NRG3: variants seen among roughly 807,000 people sequenced by gnomAD.
The protein encoded by NRG3 is pro-neuregulin-3, membrane-bound isoform.
NRG3 carries 31 observed loss-of-function variants against 66.9 expected under a neutral mutation model. That is an observed-to-expected ratio of 0.46 (90% confidence interval 0.35 to 0.63). The LOEUF is 0.63. NRG3 is among the 20% of genes least tolerant of loss of function. NRG3 has a pLI of 0.00. For synonymous variants in NRG3, 393 were observed against 359.4 expected (o/e 1.09, Z -1.06); for missense variants, 910 against 878.9 (o/e 1.04, Z -0.45).
At chr10:82,027,411 G>GT (rs1302458842) in intron 1 of NRG3, among the ~76,000 whole-genome samples, 4 of 151,930 alleles carry the variant, frequency 2.6e-5, no homozygotes, top group Non-Finnish European at 5.9e-5. Context: ...GTTATTCTGA[G>GT]TTTTTTTCTT....
chr10:82,769,168 T>C (rs547633845), intron 3 of NRG3, among the ~76,000 whole-genome samples: 116 of 152,254 alleles, frequency 7.6e-4, no homozygotes, highest in African/African-American at 2.7e-3. Flanking sequence ...CCAACCTATA[T>C]GTTTTTGCCA....
At chr10:82,373,306 G>A (rs1488640463) in intron 2 of NRG3, among the ~76,000 whole-genome samples, 6 of 152,308 alleles carry the variant, frequency 3.9e-5, no homozygotes, top group Non-Finnish European at 5.9e-5. Context: ...TATAGCTAAC[G>A]TCAGAGAAAG....
At chr10:82,274,699 A>G (rs1217211627) in intron 1 of NRG3, among the ~76,000 whole-genome samples, 1 of 151,994 alleles carries the variant, frequency 6.6e-6, no homozygotes, top group Non-Finnish European at 1.5e-5. Flanking sequence ...CAAACTGGTA[A>G]TTAGTAAAAA....
intron 1 of NRG3, among the ~76,000 whole-genome samples, chr10:81,982,751 A>G (rs919945859): frequency 3.3e-5 from 5 of 152,058 alleles, no homozygotes; most frequent in African/African-American, 9.7e-5. Flanking sequence ...ATTAGGGCCC[A>G]CCCTAAGAGC....
chr10:82,423,952 C>T (rs1042531086), intron 2 of NRG3, among the ~76,000 whole-genome samples: 2 of 151,840 alleles, frequency 1.3e-5, no homozygotes, highest in Non-Finnish European at 2.9e-5. Context: ...AAAGTTTATC[C>T]GTGTTGTAGC....
At chr10:82,815,145 AG>A (rs2061653504) in intron 3 of NRG3, among the ~76,000 whole-genome samples, 2 of 152,344 alleles carry the variant, frequency 1.3e-5, no homozygotes. Flanking sequence ...ATACCATCCT[AG>A]GAAATAATTT....
intron 3 of NRG3, among the ~76,000 whole-genome samples, chr10:82,856,670 G>C (rs1350422119): frequency 6.7e-6 from 1 of 150,076 alleles, no homozygotes; most frequent in Non-Finnish European, 1.5e-5. Context: ...CTTAAACCTG[G>C]GAGGCAGAGG....
intron 2 of NRG3, among the ~76,000 whole-genome samples, chr10:82,557,897 G>A (rs2044755131): frequency 6.6e-6 from 1 of 152,172 alleles, no homozygotes; most frequent in Non-Finnish European, 1.5e-5. Flanking sequence ...GCACCCAGAA[G>A]GTTTGGCTCC....
At chr10:82,172,313 G>A (rs2072688148) in intron 1 of NRG3, among the ~76,000 whole-genome samples, 1 of 152,096 alleles carries the variant, frequency 6.6e-6, no homozygotes, top group South Asian at 2.1e-4. Flanking sequence ...AAAAGGCTAA[G>A]AATGTGAATG....
chr10:82,753,310 T>G (rs936181346), intron 3 of NRG3, among the ~76,000 whole-genome samples: 20 of 152,106 alleles, frequency 1.3e-4, no homozygotes, highest in African/African-American at 4.8e-4. Context: ...TGAAGTCTCT[T>G]TAATATTCCT....
chr10:82,955,032 C>T (rs1293518507), intron 5 of NRG3, among the ~76,000 whole-genome samples: 1 of 151,910 alleles, frequency 6.6e-6, no homozygotes, highest in Non-Finnish European at 1.5e-5. Flanking sequence ...AACCTCCATT[C>T]GATACACTGG....
intron 2 of NRG3, among the ~76,000 whole-genome samples, chr10:82,632,686 A>C (rs893568501): frequency 6.6e-6 from 1 of 152,224 alleles, no homozygotes; most frequent in Non-Finnish European, 1.5e-5. Context: ...AGTAAATGCC[A>C]TGTTTTAGGT....
At chr10:82,721,330 G>A (rs1333584634) in intron 2 of NRG3, among the ~76,000 whole-genome samples, 3 of 151,222 alleles carry the variant, frequency 2.0e-5, no homozygotes, top group African/African-American at 4.9e-5. Flanking sequence ...AGTAGAGGCG[G>A]TGTTTCACTA....
At chr10:82,548,521 TCTCACACACACA>T (rs1478170907) in intron 2 of NRG3, among the ~76,000 whole-genome samples, 8 of 108,398 alleles carry the variant, frequency 7.4e-5, no homozygotes, top group Non-Finnish European at 9.2e-5. Flanking sequence ...ACATTCTGTC[TCTCACACACACA>T]CACACACACA....
chr10:82,617,333 C>T (rs2048733788), intron 2 of NRG3, among the ~76,000 whole-genome samples: 1 of 150,522 alleles, frequency 6.6e-6, no homozygotes, highest in Non-Finnish European at 1.5e-5. Context: ...GACACACACA[C>T]ACACAGACAC....
chr10:82,764,072 T>C (rs2059423188), intron 3 of NRG3, among the ~76,000 whole-genome samples: 1 of 152,142 alleles, frequency 6.6e-6, no homozygotes, highest in African/African-American at 2.4e-5. Context: ...AGAGTCTCAG[T>C]CTGTCACCCT....
intron 2 of NRG3, among the ~76,000 whole-genome samples, chr10:82,390,475 T>A (rs974112567): frequency 1.3e-5 from 2 of 152,160 alleles, no homozygotes; most frequent in Non-Finnish European, 2.9e-5. Flanking sequence ...TACAAATCAT[T>A]TAGGGAAAAT....
At chr10:82,295,452 A>AT (rs2080007854) in intron 1 of NRG3, among the ~76,000 whole-genome samples, 1 of 152,098 alleles carries the variant, frequency 6.6e-6, no homozygotes, top group Non-Finnish European at 1.5e-5. Context: ...TCGAGGGTAC[A>AT]TTTTTAATAG....
intron 4 of NRG3, among the ~76,000 whole-genome samples, chr10:82,945,088 C>T (rs186498187): frequency 2.0e-5 from 3 of 152,254 alleles, no homozygotes; most frequent in East Asian, 1.9e-4. Context: ...CAGAAAGTCA[C>T]GGTATGAAGA....
Sources: allele counts gnomAD v4.1 joint callset (sites outside exome capture counted in the v4.1 genomes callset), GRCh38; gene constraint gnomAD v4.1.1; transcripts MANE v1.5; gene names NCBI Gene and HGNC (gene_info 2026-07-23, HGNC 2026-07-21).